The following COL8A2 variants were observed in gnomAD, a reference collection of about 807,000 sequenced individuals.
The protein encoded by COL8A2 is collagen type VIII alpha 2 chain.
In COL8A2, 16 loss-of-function variants were observed where a neutral mutation model predicts 24.0. The observed-to-expected ratio is 0.67, with a 90% confidence interval of 0.45 to 1.01. COL8A2 has a LOEUF of 1.01. COL8A2 is among the 50% of genes least tolerant of loss of function. COL8A2 has a pLI of 0.00. For synonymous variants in COL8A2, 466 were observed against 424.5 expected (o/e 1.10, Z -1.20); for missense variants, 818 against 942.4 (o/e 0.87, Z 1.73).
intron 2 of COL8A2, among the ~76,000 whole-genome samples, chr1:36,106,002 G>A (rs1643755321): frequency 6.6e-6 from 1 of 151,326 alleles, no homozygotes; most frequent in African/African-American, 2.4e-5. Flanking sequence ...GCAGGGCGCG[G>A]TGGCTCACCT....
rs139330748 is a variant in COL8A2 at position 36,100,887 on chromosome 1, C to CTTTTTTTTTTTTTTTTTT, written c.-16-647_-16-630dup. On this transcript the variant is annotated intron_variant, in intron 2 of 3. Transcript: ENST00000397799. ...ATGGCGCTTAGCATAGCATTCAAGG[C>CTTTTTTTTTTTTTTTTTT]TTTTTTTTTTTTTTTTTTTTTTTTT... 4.0e-5 allele frequency among the ~76,000 whole-genome samples: 2 copies of CTTTTTTTTTTTTTTTTTT among 50,160 alleles called. 1 individual carries two copies. Among genetic ancestry groups the CTTTTTTTTTTTTTTTTTT allele is most frequent in the African/African-American group, 1.4e-4 (2 of 14,144 alleles). 32.9% of individuals were successfully genotyped at this position (50,160 alleles called of 152,430 possible). A position where few individuals can be genotyped will look rare whatever the true frequency, so the allele number is the denominator to read the frequency against.
intron 1 of COL8A2, among the ~76,000 whole-genome samples, chr1:36,116,744 A>G (rs995343263): frequency 2.0e-5 from 3 of 152,178 alleles, no homozygotes; most frequent in Non-Finnish European, 4.4e-5. Context: ...ATATACAGGG[A>G]AGGTCCAGAA....
At position 36,097,937 on chromosome 1, in the gene COL8A2, T is replaced by C. The variant is rs758485853; in HGVS notation, c.1744A>G (p.Thr582Ala). ...HATPAFTAVL[T>A]SPFPASGMPV... is the part of the protein sequence containing the mutation. ...ATGCCCGAGGCGGGGAAGGGCGAGG[T>C]GAGCACCGCAGTGAAGGCCGGTGTG... Residue 582 changes from threonine (T) to alanine (A), a missense_variant, in exon 4 of 4, where the codon ACC becomes GCC. Thr to Ala is a moderately conservative substitution (Grantham distance 58). Coordinates refer to ENST00000397799, the MANE Select transcript of COL8A2 (RefSeq NM_005202.4). The C allele has an allele frequency of 1.2e-6, 2 of 1,610,092 alleles. No individual in the cohort carries two copies. Among genetic ancestry groups the C allele is most frequent in the South Asian group, 2.2e-5 (2 of 91,022 alleles).
At chr1:36,122,433 CT>C (rs914047617) in intron 1 of COL8A2, among the ~76,000 whole-genome samples, 1 of 152,160 alleles carries the variant, frequency 6.6e-6, no homozygotes, top group Non-Finnish European at 1.5e-5. Context: ...ATGACTGGTA[CT>C]TGGGCACATG....
chr1:36,120,110 T>G (rs1347981388), intron 1 of COL8A2, among the ~76,000 whole-genome samples: 1 of 152,014 alleles, frequency 6.6e-6, no homozygotes, highest in Non-Finnish European at 1.5e-5. Flanking sequence ...TCTGACCTTC[T>G]CATGCCTGCT....
At chr1:36,109,873 G>C (rs1026744503) in intron 2 of COL8A2, among the ~76,000 whole-genome samples, 3 of 151,410 alleles carry the variant, frequency 2.0e-5, no homozygotes, top group African/African-American at 7.3e-5. Context: ...TGGGATTACA[G>C]GTGTAAGCCA....
At chr1:36,122,628 C>T (rs1225528791) in intron 1 of COL8A2, among the ~76,000 whole-genome samples, 1 of 152,028 alleles carries the variant, frequency 6.6e-6, no homozygotes, top group Non-Finnish European at 1.5e-5. Flanking sequence ...AACCGGCTTA[C>T]TCCTTTCCAT....
chr1:36,122,957 G>A (rs999271262), intron 1 of COL8A2, among the ~76,000 whole-genome samples: 1 of 151,634 alleles, frequency 6.6e-6, no homozygotes, highest in Non-Finnish European at 1.5e-5. Flanking sequence ...ACCTCTGCAC[G>A]AGCTGTGCCC....
intron 2 of COL8A2, among the ~76,000 whole-genome samples, chr1:36,104,768 C>T (rs1643731538): frequency 6.6e-6 from 1 of 152,138 alleles, no homozygotes; most frequent in Admixed American, 6.5e-5. Context: ...GCACTCCAGC[C>T]TGGGTGACAG....
At chr1:36,101,211 TAA>T (rs1336164409) in intron 2 of COL8A2, among the ~76,000 whole-genome samples, 10 of 152,090 alleles carry the variant, frequency 6.6e-5, no homozygotes, top group African/African-American at 1.9e-4. Flanking sequence ...AAGGCCTTTC[TAA>T]CCTACTCTGT....
chr1:36,109,906 C>T (rs1276369168), intron 2 of COL8A2, among the ~76,000 whole-genome samples: 3 of 149,096 alleles, frequency 2.0e-5, no homozygotes, highest in Non-Finnish European at 4.4e-5. Flanking sequence ...TTGGAGTAAC[C>T]ACTCTTTTTA....
intron 2 of COL8A2, among the ~76,000 whole-genome samples, chr1:36,111,766 T>A (rs1643843738): frequency 6.6e-6 from 1 of 151,700 alleles, no homozygotes; most frequent in South Asian, 2.1e-4. Flanking sequence ...CCCAGGCTGC[T>A]CTAGAGAACT....
chr1:36,100,887 CTTTTTTTTTTTTTTT>C lies in COL8A2; in HGVS notation c.-16-644_-16-630del, dbSNP rs139330748. Among the ~76,000 whole-genome samples the C allele has an allele frequency of 4.8e-3, 239 of 50,184 alleles. 1 individual carries two copies. Among genetic ancestry groups the C allele is most frequent in the Admixed American group, 0.01 (25 of 2,496 alleles). 32.9% of individuals were successfully genotyped at this position (50,184 alleles called of 152,430 possible). On this transcript the variant is annotated intron_variant, in intron 2 of 3. Transcript: ENST00000397799. The stretch of plus-strand genomic sequence containing the variant: ...ATGGCGCTTAGCATAGCATTCAAGG[CTTTTTTTTTTTTTTT>C]TTTTTTTTTTTTTTTGAGACAGTTT...
At position 36,096,505 on chromosome 1, in the gene COL8A2, CTTA is replaced by C. The variant is rs1643567102; in HGVS notation, c.*1061_*1063del. ...ACACACATACACCCACCATATGGTT[CTTA>C]TTAAGGAAAAGGAAGTGGGAGCCGT... On this transcript the variant is annotated 3_prime_UTR_variant, in exon 4 of 4. Coordinates refer to ENST00000397799, the MANE Select transcript of COL8A2 (RefSeq NM_005202.4). The C allele has an allele frequency of 6.6e-6, 1 of 152,180 alleles. No individual in the cohort carries two copies. The highest frequency in any genetic ancestry group is 1.5e-5 in the Non-Finnish European group (1 of 68,054). The allele number at this position is 152,180 out of a possible 1,614,324, so 9.4% of individuals were successfully genotyped here. A position where few individuals can be genotyped will look rare whatever the true frequency, so the allele number is the denominator to read the frequency against.
intron 2 of COL8A2, among the ~76,000 whole-genome samples, chr1:36,114,729 C>T (rs1295800223): frequency 3.3e-5 from 5 of 152,136 alleles, no homozygotes; most frequent in East Asian, 3.9e-4. Context: ...GGCATGTGCT[C>T]GATGAAGCCT....
intron 2 of COL8A2, among the ~76,000 whole-genome samples, chr1:36,112,863 C>G (rs576412670): frequency 6.6e-6 from 1 of 152,332 alleles, no homozygotes; most frequent in African/African-American, 2.4e-5. Flanking sequence ...CTCTAGCGAG[C>G]TCCCAGAGGA....
intron 2 of COL8A2, among the ~76,000 whole-genome samples, chr1:36,108,378 C>T (rs899502709): frequency 6.6e-6 from 1 of 152,232 alleles, no homozygotes; most frequent in Non-Finnish European, 1.5e-5. Flanking sequence ...CTGCCCACGA[C>T]TGGCTGTGTG....
chr1:36,097,683 C>G lies in COL8A2; in HGVS notation c.1998G>C (p.Gln666His). 6.2e-7 allele frequency: 1 copy of G among 1,613,628 alleles called. No homozygotes were observed. The highest frequency in any genetic ancestry group is 8.5e-7 in the Non-Finnish European group (1 of 1,179,992). The stretch of plus-strand genomic sequence containing the variant: ...CCCAGACCTGGTCGTTGGGCCGCAG[C>G]TGGAGCACGGCCCCACCAGATGCCT... ...LDQASGGAVLQLRPNDQVWVQ... is the reference protein window; with the variant it reads ...LDQASGGAVLHLRPNDQVWVQ... Residue 666 changes from glutamine to histidine, a missense_variant, in exon 4 of 4, where the codon CAG (glutamine) becomes CAC (histidine). Coordinates refer to ENST00000397799, the MANE Select transcript of COL8A2 (RefSeq NM_005202.4).
At chr1:36,100,425 C>T (rs976139008) in intron 2 of COL8A2, among the ~76,000 whole-genome samples, 167 bp from the exon 3 acceptor site, 6 of 152,196 alleles carry the variant, frequency 3.9e-5, no homozygotes, top group South Asian at 2.1e-4. Flanking sequence ...TTCAAAGTCG[C>T]GGGGGTCTGC....
Sources: gnomAD v4.1 joint callset for allele counts (sites outside exome capture counted in the v4.1 genomes callset) on GRCh38, gnomAD v4.1.1 for gene constraint, MANE v1.5 for transcripts, NCBI Gene and HGNC (gene_info 2026-07-23, HGNC 2026-07-21) for gene names.